Variants in STK24 observed in about 807,000 individuals in gnomAD.
The protein encoded by STK24 is serine/threonine-protein kinase 24.
A neutral mutation model predicts 55.6 loss-of-function variants in STK24; 21 were observed. The observed-to-expected ratio is 0.38, with a 90% confidence interval of 0.27 to 0.54. The LOEUF (loss-of-function observed/expected upper bound fraction) is 0.54, where lower values mean the gene tolerates loss of function less well. Ranked by LOEUF, STK24 falls within the 20% of genes least tolerant of loss-of-function variation. The pLI is 0.79. For missense variants in STK24, 383 were observed against 538.4 expected (o/e 0.71, Z 2.86); for synonymous variants, 200 against 215.2 (o/e 0.93, Z 0.62).
intron 2 of STK24, among the ~76,000 whole-genome samples, chr13:98,492,196 T>A (rs947549499): frequency 1.3e-5 from 2 of 151,916 alleles, no homozygotes; most frequent in African/African-American, 4.8e-5. Context: ...TTTTAGCAAC[T>A]CCTTCAGGGC....
intron 10 of STK24, 172 bp downstream of exon 10, chr13:98,456,996 T>A (rs1018678391): frequency 9.9e-6 from 8 of 806,234 alleles, no homozygotes; most frequent in Non-Finnish European, 1.5e-5. Context: ...TTCATTCACA[T>A]TGATTTCTAG....
chr13:98,446,489 C>T lies in STK24; in HGVS notation c.*6684G>A. 2 of 657,614 alleles carry T rather than the reference C, an allele frequency of 3.0e-6. No individual in the cohort carries two copies. The highest frequency in any genetic ancestry group is 5.2e-6 in the Non-Finnish European group (2 of 383,470). 40.7% of individuals were successfully genotyped at this position (657,614 alleles called of 1,614,324 possible). ...TATCTACAGCTCAGTCCTGGCGGGA[C>T]TTGCCACCCGGGCCATCACGTACAG... On this transcript the variant is annotated 3_prime_UTR_variant, in exon 11 of 11. Transcript: ENST00000539966.
intron 2 of STK24, among the ~76,000 whole-genome samples, chr13:98,499,290 C>G: frequency 6.6e-6 from 1 of 152,016 alleles, no homozygotes; most frequent in East Asian, 1.9e-4. Context: ...CACATTCACA[C>G]TTGCAAGGCA....
At chr13:98,565,229 A>G (rs1897534157) in intron 1 of STK24, among the ~76,000 whole-genome samples, 1 of 152,138 alleles carries the variant, frequency 6.6e-6, no homozygotes, top group African/African-American at 2.4e-5. Flanking sequence ...TGCTCAGAAC[A>G]CAAACTCCCT....
intron 1 of STK24, among the ~76,000 whole-genome samples, chr13:98,530,946 C>A (rs530403505): frequency 6.6e-6 from 1 of 152,162 alleles, no homozygotes; most frequent in Non-Finnish European, 1.5e-5. Context: ...GCGACAGGGT[C>A]TCCAAAGAGT....
rs377084048 is a variant in STK24 at position 98,489,181 on chromosome 13, C to T, written c.274-6860G>A. Among the ~76,000 whole-genome samples, 5 of 152,338 alleles carry T rather than the reference C, an allele frequency of 3.3e-5. No homozygotes were observed. The South Asian group carries it at 1.0e-3, about 32-fold the overall frequency. ...ATTGCCCCCGGGACTAATGTGCATG[C>T]TCCTCAGAGGGGCTTCGATGATGAT... On this transcript the variant is annotated intron_variant, in intron 2 of 10. Transcript: ENST00000539966.
intron 1 of STK24, among the ~76,000 whole-genome samples, chr13:98,543,256 G>A (rs1896937618): frequency 6.6e-6 from 1 of 152,030 alleles, no homozygotes; most frequent in African/African-American, 2.4e-5. Context: ...ATGTGCTCCC[G>A]CGGCTGGACC....
Position 98,519,368 on chromosome 13 carries a change from C to T in STK24, c.148G>A (p.Val50Ile). ...TCCAGATCAATGATCTTTATGGCAA[C>T]CACTTTCTGAGTCCGATTGTCAATG... Reference protein sequence around the residue: ...KGIDNRTQKVVAIKIIDLEEA... With the variant: ...KGIDNRTQKVIAIKIIDLEEA... Residue 50 changes from valine to isoleucine, a missense_variant, in exon 2 of 11, where the codon GTT (valine) becomes ATT (isoleucine). Coordinates refer to ENST00000539966, the MANE Select transcript of STK24 (RefSeq NM_001032296.4). 1 of 1,614,240 alleles carries T rather than the reference C, an allele frequency of 6.2e-7. No homozygotes were observed. Among genetic ancestry groups the T allele is most frequent in the Non-Finnish European group, 8.5e-7 (1 of 1,180,038 alleles).
intron 1 of STK24, among the ~76,000 whole-genome samples, chr13:98,540,725 C>A (rs1896862412): frequency 7.5e-6 from 1 of 132,816 alleles, no homozygotes; most frequent in South Asian, 2.4e-4. Context: ...TCTATAACAA[C>A]TGTTTCAGTA....
chr13:98,467,500 A>T (rs961552206), intron 5 of STK24, among the ~76,000 whole-genome samples: 1 of 152,102 alleles, frequency 6.6e-6, no homozygotes, highest in Non-Finnish European at 1.5e-5. Context: ...GGCTCTTTCA[A>T]CCTACAACAG....
chr13:98,536,226 A>G (rs1219526851), intron 1 of STK24, among the ~76,000 whole-genome samples: 1 of 152,196 alleles, frequency 6.6e-6, no homozygotes, highest in East Asian at 1.9e-4. Context: ...CAATCAAGAT[A>G]CAATCTGTGA....
intron 1 of STK24, among the ~76,000 whole-genome samples, chr13:98,528,990 A>G (rs1896507640): frequency 6.6e-6 from 1 of 152,086 alleles, no homozygotes; most frequent in African/African-American, 2.4e-5. Context: ...AATGAATCAC[A>G]AACACTCTCC....
chr13:98,521,747 C>A, intron 1 of STK24: 1 of 778,784 alleles, frequency 1.3e-6, no homozygotes, highest in Admixed American at 1.7e-5. Flanking sequence ...AGCTACTATC[C>A]TCGCTGCTTT....
In STK24 at chr13:98,558,091, C is replaced by T. The variant is rs181057624; in HGVS notation, c.42+18654G>A. Among the ~76,000 whole-genome samples the T allele has an allele frequency of 3.3e-5, 5 of 152,264 alleles. No homozygotes were observed. In the East Asian group the frequency reaches 9.6e-4, roughly 29 times the overall value. On this transcript the variant is annotated intron_variant, in intron 1 of 10. Transcript: ENST00000539966. ...ATTGAAATGTATGCGACACATGTGCCTCTGCTACTGGGCCATAAGCTCCTT... is the reference window on the plus strand; with the variant it reads ...ATTGAAATGTATGCGACACATGTGCTTCTGCTACTGGGCCATAAGCTCCTT...
intron 2 of STK24, among the ~76,000 whole-genome samples, chr13:98,510,813 A>C (rs534693687): frequency 7.9e-5 from 12 of 152,282 alleles, no homozygotes; most frequent in African/African-American, 1.7e-4. Flanking sequence ...ATGTTCTAAA[A>C]TTGTGGTGAT....
intron 2 of STK24, among the ~76,000 whole-genome samples, chr13:98,501,046 G>T (rs1360511123): frequency 6.6e-6 from 1 of 151,688 alleles, no homozygotes; most frequent in Non-Finnish European, 1.5e-5. Flanking sequence ...ATATAAGGGG[G>T]AAAAAAAGGG....
chr13:98,500,590 A>C (rs981437697), intron 2 of STK24, among the ~76,000 whole-genome samples: 3 of 152,012 alleles, frequency 2.0e-5, no homozygotes, highest in African/African-American at 7.3e-5. Context: ...ACTCCTATGG[A>C]AACGCTACCT....
chr13:98,491,856 A>T (rs369855275), intron 2 of STK24, among the ~76,000 whole-genome samples: 1 of 152,234 alleles, frequency 6.6e-6, no homozygotes, highest in South Asian at 2.1e-4. Flanking sequence ...AGGAAAAAAT[A>T]GATCACATAT....
At position 98,450,057 on chromosome 13, in the gene STK24, A is replaced by G. The variant is rs1893114069; in HGVS notation, c.*3116T>C. 6.6e-6 allele frequency: 1 copy of G among 151,944 alleles called. No homozygotes were observed. The highest frequency in any genetic ancestry group is 1.5e-5 in the Non-Finnish European group (1 of 68,008). 9.4% of individuals were successfully genotyped at this position (151,944 alleles called of 1,614,324 possible). ...TTTCTGAATGATTGATTGATTCCAA[A>G]CTACTTGCTGGACACTGGTGGTTCT... On this transcript the variant is annotated 3_prime_UTR_variant, in exon 11 of 11. Transcript: ENST00000539966.
Sources: allele counts gnomAD v4.1 joint callset (sites outside exome capture counted in the v4.1 genomes callset), GRCh38; gene constraint gnomAD v4.1.1; transcripts MANE v1.5; gene names NCBI Gene and HGNC (gene_info 2026-07-23, HGNC 2026-07-21).